UBAP1: variants seen among roughly 807,000 people sequenced by gnomAD.
The protein encoded by UBAP1 is ubiquitin-associated protein 1.
Under a neutral mutation model 39.0 loss-of-function variants are expected in UBAP1, and 5 were observed. That is an observed-to-expected ratio of 0.13 (90% CI 0.07 to 0.27). The LOEUF (loss-of-function observed/expected upper bound fraction) is 0.27. Ranked by LOEUF, UBAP1 falls within the 10% of genes least tolerant of loss-of-function variation. The pLI is 1.00. For synonymous variants in UBAP1, 211 were observed against 225.1 expected, an observed-to-expected ratio of 0.94 and a Z score of 0.56; for missense variants, 490 against 608.1, an observed-to-expected ratio of 0.81 and a Z score of 2.04.
chr9:34,248,548 A>G (rs981001088), intron 4 of UBAP1, among the ~76,000 whole-genome samples: 5 of 152,110 alleles, frequency 3.3e-5, no homozygotes, highest in Non-Finnish European at 7.4e-5. Context: ...GGGAGACACA[A>G]TCTTAGACCT....
At chr9:34,194,835 T>TG (rs1830932232) in intron 1 of UBAP1, among the ~76,000 whole-genome samples, 1 of 152,146 alleles carries the variant, frequency 6.6e-6, no homozygotes, top group African/African-American at 2.4e-5. Flanking sequence ...AATTTAGCAG[T>TG]GGGGGGTTGT....
intron 1 of UBAP1, among the ~76,000 whole-genome samples, chr9:34,200,785 C>T (rs185196329): frequency 5.3e-5 from 8 of 152,218 alleles, no homozygotes; most frequent in African/African-American, 1.7e-4. Flanking sequence ...GCTGTTCTCC[C>T]GAATTTTGGG....
chr9:34,190,320 C>T (rs1202270692), intron 1 of UBAP1, among the ~76,000 whole-genome samples: 1 of 152,112 alleles, frequency 6.6e-6, no homozygotes, highest in Non-Finnish European at 1.5e-5. Flanking sequence ...GGTGGAGTCC[C>T]ACTCTGTCAC....
intron 1 of UBAP1, among the ~76,000 whole-genome samples, chr9:34,181,179 A>G (rs1830010222): frequency 1.5e-5 from 2 of 130,288 alleles, no homozygotes; most frequent in African/African-American, 2.9e-5. Context: ...CAGTGGCGCA[A>G]TCTCAGCTCA....
chr9:34,248,128 C>G (rs1264841136), intron 4 of UBAP1, among the ~76,000 whole-genome samples: 1 of 151,950 alleles, frequency 6.6e-6, no homozygotes, highest in South Asian at 2.1e-4. Flanking sequence ...CTCCACCTCC[C>G]GGGTTCAAGC....
chr9:34,250,832 T>C (rs955012715), intron 6 of UBAP1, 73 bp downstream of exon 6: 2 of 1,289,812 alleles, frequency 1.6e-6, no homozygotes, highest in Admixed American at 1.8e-5. Context: ...TTTTCTCCCT[T>C]GGCCCACACA....
intron 1 of UBAP1, among the ~76,000 whole-genome samples, chr9:34,210,239 T>C (rs557037294): frequency 5.1e-4 from 78 of 152,240 alleles, no homozygotes; most frequent in South Asian, 1.7e-3. Flanking sequence ...CGGACAGTAA[T>C]AAGGGGGCTA....
intron 4 of UBAP1, 29 bp from the exon 5 acceptor site, chr9:34,249,750 T>G (rs1274412188): frequency 6.2e-7 from 1 of 1,608,404 alleles, no homozygotes; most frequent in Non-Finnish European, 8.5e-7. Flanking sequence ...CCAGGTCTTC[T>G]TGCCTTAATC....
At chr9:34,220,979 T>A in intron 2 of UBAP1, 31 bp downstream of exon 2, 1 of 1,597,796 alleles carries the variant, frequency 6.3e-7, no homozygotes, top group Non-Finnish European at 8.6e-7. Flanking sequence ...ATGGTTTAAG[T>A]TATGATTTGA....
chr9:34,236,558 C>A (rs1274854842), intron 3 of UBAP1, among the ~76,000 whole-genome samples: 1 of 152,126 alleles, frequency 6.6e-6, no homozygotes, highest in African/African-American at 2.4e-5. Flanking sequence ...CTGTACCTCA[C>A]ACAGACCAAA....
At chr9:34,189,647 A>T (rs1035331100) in intron 1 of UBAP1, among the ~76,000 whole-genome samples, 7 of 151,728 alleles carry the variant, frequency 4.6e-5, no homozygotes, top group Admixed American at 3.3e-4. Context: ...TATTATTATT[A>T]TTTTTTGAGA....
intron 1 of UBAP1, among the ~76,000 whole-genome samples, chr9:34,182,693 T>C (rs200854571): frequency 0.17 from 20,685 of 125,268 alleles, 2,481 homozygotes; most frequent in East Asian, 0.52. Flanking sequence ...CTCTCTCTCT[T>C]TCTTTTCTTT....
chr9:34,213,119 A>G (rs1297769498), intron 1 of UBAP1, among the ~76,000 whole-genome samples: 1 of 152,220 alleles, frequency 6.6e-6, no homozygotes, highest in Non-Finnish European at 1.5e-5. Flanking sequence ...ATCTCAATAG[A>G]TGCAGAAAAA....
At chr9:34,195,949 T>G (rs1253851415) in intron 1 of UBAP1, among the ~76,000 whole-genome samples, 2 of 124,000 alleles carry the variant, frequency 1.6e-5, no homozygotes, top group Non-Finnish European at 3.3e-5. Flanking sequence ...TTTTTTTTTT[T>G]TTTTTTTTTT....
intron 2 of UBAP1, among the ~76,000 whole-genome samples, chr9:34,233,981 T>TAC (rs895621676): frequency 6.6e-5 from 10 of 152,138 alleles, no homozygotes; most frequent in African/African-American, 2.4e-4. Flanking sequence ...GTGATGTGAG[T>TAC]ACTTTGGCTT....
At chr9:34,219,274 G>C (rs72731277) in intron 1 of UBAP1, among the ~76,000 whole-genome samples, 18,791 of 151,882 alleles carry the variant, frequency 0.12, 1,518 homozygotes, top group Non-Finnish European at 0.18. Context: ...TCTTTGTAGA[G>C]ATGAGGTTTC....
intron 2 of UBAP1, among the ~76,000 whole-genome samples, chr9:34,227,945 A>T (rs1833189169): frequency 6.6e-6 from 1 of 151,656 alleles, no homozygotes; most frequent in East Asian, 1.9e-4. Context: ...TGGGCAACAA[A>T]GTGAGCCCTC....
chr9:34,184,059 C>T (rs574715437), intron 1 of UBAP1, among the ~76,000 whole-genome samples: 138 of 151,964 alleles, frequency 9.1e-4, no homozygotes, highest in African/African-American at 3.0e-3. Flanking sequence ...TGTGAGATAG[C>T]GCTCCCGGCC....
At chr9:34,242,280 C>G (rs1275754860) in intron 4 of UBAP1, among the ~76,000 whole-genome samples, 172 bp downstream of exon 4, 3 of 151,860 alleles carry the variant, frequency 2.0e-5, no homozygotes, top group Non-Finnish European at 2.9e-5. Context: ...GGGCTCAAGC[C>G]TGTTGGGACA....
Sources: gnomAD v4.1 joint callset for allele counts (sites outside exome capture counted in the v4.1 genomes callset) on GRCh38, gnomAD v4.1.1 for gene constraint, MANE v1.5 for transcripts, NCBI Gene and HGNC (gene_info 2026-07-23, HGNC 2026-07-21) for gene names.